The following CSMD2 variants were observed in gnomAD, a reference collection of about 807,000 sequenced individuals.
CSMD2 encodes CUB and sushi domain-containing protein 2.
Under a neutral mutation model 398.5 loss-of-function variants are expected in CSMD2, and 130 were observed. That is an observed-to-expected ratio of 0.33 (90% CI 0.28 to 0.38). The LOEUF is 0.38. CSMD2 is among the 10% of genes least tolerant of loss of function. CSMD2 has a pLI of 1.00. For missense variants in CSMD2, 3,829 were observed against 4,764.9 expected (o/e 0.80, Z 5.78); for synonymous variants, 1,828 against 1,908.5 (o/e 0.96, Z 1.10).
At position 33,754,355 on chromosome 1, in the gene CSMD2, TG is replaced by T. The variant is rs1019914404; in HGVS notation, c.1847-10750del. On this transcript the variant is annotated intron_variant, in intron 13 of 70. Transcript: ENST00000373381. The stretch of plus-strand genomic sequence containing the variant: ...CCTATCACCTACCCCACCCCCATCT[TG>T]CTCCCACTCTTGCCATGTGATACAC... 1.3e-4 allele frequency among the ~76,000 whole-genome samples: 20 copies of T among 152,190 alleles called. 1 individual carries two copies. The highest frequency in any genetic ancestry group is 4.3e-4 in the African/African-American group (18 of 41,450).
chr1:33,980,348 A>G (rs1484895601), intron 3 of CSMD2, among the ~76,000 whole-genome samples: 1 of 152,114 alleles, frequency 6.6e-6, no homozygotes, highest in Admixed American at 6.5e-5. Context: ...AGTGCAAAGC[A>G]CTGGCAGGAA....
intron 13 of CSMD2, among the ~76,000 whole-genome samples, chr1:33,761,669 C>T (rs1649832328): frequency 1.3e-5 from 2 of 152,192 alleles, no homozygotes; most frequent in African/African-American, 4.8e-5. Context: ...CTCCATCATG[C>T]ATTCTAAGCC....
Position 33,935,989 on chromosome 1 carries a change from C to G in CSMD2, c.518-35G>C, listed in dbSNP as rs374836797. The stretch of plus-strand genomic sequence containing the variant: ...GAAACAGAGAAAGAGACGGGTACCC[C>G]GTGAGCTGGGCTGGAGCCCTGACAC... On this transcript the variant is annotated intron_variant, in intron 3 of 70. Coordinates refer to ENST00000373381, the MANE Select transcript of CSMD2 (RefSeq NM_001281956.2). 2.5e-6 allele frequency: 4 copies of G among 1,570,524 alleles called. No individual in the cohort carries two copies. In the East Asian group the frequency reaches 9.0e-5, roughly 35 times the overall value.
intron 3 of CSMD2, among the ~76,000 whole-genome samples, chr1:34,017,346 C>T (rs1241000820): frequency 6.6e-6 from 1 of 152,262 alleles, no homozygotes; most frequent in Admixed American, 6.5e-5. Context: ...ACTCTCTTGT[C>T]ACTTCCAGAT....
Position 33,788,685 on chromosome 1 carries a change from G to T in CSMD2, c.1578C>A (p.Leu526=), listed in dbSNP as rs755231827. The T allele has an allele frequency of 6.2e-7, 1 of 1,613,524 alleles. No homozygotes were observed. Among genetic ancestry groups the T allele is most frequent in the Admixed American group, 1.7e-5 (1 of 60,020 alleles). ...ACATTTGATGATTGGTGCTGACAAT[G>T]AGATCCGGGACCGATGTACCTGTCA... The part of the protein sequence containing the change: ...YILTGTSVPD[L]IVSTNHQMWL... Residue 526 remains leucine, a synonymous_variant, in exon 12 of 71, where the codon CTC becomes CTA. Coordinates refer to ENST00000373381, the MANE Select transcript of CSMD2 (RefSeq NM_001281956.2).
chr1:34,105,208 C>T (rs1452078113), intron 1 of CSMD2, among the ~76,000 whole-genome samples: 1 of 152,158 alleles, frequency 6.6e-6, no homozygotes, highest in Non-Finnish European at 1.5e-5. Flanking sequence ...GGTTTCTCAA[C>T]CTCAACACTA....
At chr1:34,141,607 A>C (rs1355463771) in intron 1 of CSMD2, among the ~76,000 whole-genome samples, 4 of 152,196 alleles carry the variant, frequency 2.6e-5, no homozygotes, top group African/African-American at 9.7e-5. Flanking sequence ...GAGGAACAGC[A>C]GAGAAGCCAC....
intron 15 of CSMD2, among the ~76,000 whole-genome samples, chr1:33,732,951 A>G (rs1646768673): frequency 6.6e-6 from 1 of 152,222 alleles, no homozygotes; most frequent in Admixed American, 6.5e-5. Context: ...AGCTGAGGGA[A>G]CATACTTGAG....
chr1:33,577,354 G>C lies in CSMD2; in HGVS notation c.7518C>G (p.Ile2506Met). 6.2e-7 allele frequency: 1 copy of C among 1,614,162 alleles called. No homozygotes were observed. Among genetic ancestry groups the C allele is most frequent in the Non-Finnish European group, 8.5e-7 (1 of 1,180,010 alleles). The change falls in exon 49 of 71, where the codon ATC (isoleucine) becomes ATG (methionine). Residue 2506 changes from isoleucine to methionine, a missense_variant. Coordinates refer to ENST00000373381, the MANE Select transcript of CSMD2 (RefSeq NM_001281956.2). ...GYRLVGHSMA[I>M]CTRHPQGYHL... ...GGTAGCCCTGGGGGTGCCGGGTACA[G>C]ATGGCCATGCTGTGTCCCACCAGGC... is the stretch of plus-strand genomic sequence containing the variant.
At position 33,537,742 on chromosome 1, in the gene CSMD2, C is replaced by T; in HGVS notation, c.9632-133G>A. Reference sequence around the variant, plus strand: ...CTTGAACTCTGGGAACCGGGGCAGCCCCAGGTAGGTGCTTCCACCTGCTGC... The same window carrying T: ...CTTGAACTCTGGGAACCGGGGCAGCTCCAGGTAGGTGCTTCCACCTGCTGC... On this transcript the variant is annotated intron_variant, in intron 60 of 70. Coordinates refer to ENST00000373381, the MANE Select transcript of CSMD2 (RefSeq NM_001281956.2). This position sits in a 1 kb window ranked among gnomAD's most constrained non-coding sequence, Gnocchi z 4.6. 2 of 918,108 alleles carry T rather than the reference C, an allele frequency of 2.2e-6. No individual in the cohort carries two copies. Among genetic ancestry groups the T allele is most frequent in the South Asian group, 2.3e-5 (1 of 43,090 alleles). 56.9% of individuals were successfully genotyped at this position (918,108 alleles called of 1,614,324 possible).
chr1:33,662,143 T>C (rs991252060), intron 26 of CSMD2, among the ~76,000 whole-genome samples: 3 of 152,320 alleles, frequency 2.0e-5, no homozygotes, highest in African/African-American at 7.2e-5. Flanking sequence ...TGTTTGAGCA[T>C]TGGCCATTTT....
chr1:33,641,351 G>A (rs1435208291), intron 29 of CSMD2, among the ~76,000 whole-genome samples: 2 of 152,174 alleles, frequency 1.3e-5, no homozygotes, highest in African/African-American at 4.8e-5. Flanking sequence ...GCATGTGCGT[G>A]GATGTTTCAG....
intron 15 of CSMD2, 86 bp from the exon 16 acceptor site, chr1:33,726,771 C>T: frequency 7.2e-7 from 1 of 1,388,686 alleles, no homozygotes; most frequent in Non-Finnish European, 9.6e-7. Flanking sequence ...ATGTGTCAGG[C>T]AATAAGTATA....
chr1:33,985,925 G>A (rs1646343882), intron 3 of CSMD2, among the ~76,000 whole-genome samples: 2 of 152,148 alleles, frequency 1.3e-5, no homozygotes, highest in African/African-American at 2.4e-5. Context: ...CTGGTGGAAG[G>A]AGCAGTCACT....
chr1:33,704,447 T>C (rs1193383717), intron 22 of CSMD2, among the ~76,000 whole-genome samples: 1 of 152,206 alleles, frequency 6.6e-6, no homozygotes, highest in African/African-American at 2.4e-5. Context: ...ATGTTTGCTA[T>C]AGGCATTTGG....
chr1:34,093,348 C>T (rs1403984312), intron 1 of CSMD2, among the ~76,000 whole-genome samples: 91 of 152,168 alleles, frequency 6.0e-4, no homozygotes, highest in Middle Eastern at 3.4e-3. Flanking sequence ...AAAAGCAGAG[C>T]GCCTCTCCTC....
At chr1:34,091,633 A>T (rs539117212) in intron 1 of CSMD2, among the ~76,000 whole-genome samples, 1 of 151,290 alleles carries the variant, frequency 6.6e-6, no homozygotes, top group African/African-American at 2.4e-5. Flanking sequence ...CTTAACACGA[A>T]GTATCCCATT....
In CSMD2 at chr1:33,614,436, G is replaced by A. The variant is rs6425833; in HGVS notation, c.6133+68C>T. The A allele has an allele frequency of 3.2e-3, 2,816 of 891,134 alleles. 56 individuals are homozygous for A. In the African/African-American group the frequency reaches 0.041, roughly 13 times the overall value. The allele number at this position is 891,134 out of a possible 1,614,324, so 55.2% of individuals were successfully genotyped here. ...CAAGTTTGTGCTAAGAGATTTTGGC[G>A]GACAGTAGTTTTAAGCTCAAGGGTC... On this transcript the variant is annotated intron_variant, in intron 40 of 70. Coordinates refer to ENST00000373381, the MANE Select transcript of CSMD2 (RefSeq NM_001281956.2).
rs750052605 is a variant in CSMD2 at position 33,743,569 on chromosome 1, A to G, written c.1884T>C (p.Val628=). The G allele has an allele frequency of 6.2e-7, 1 of 1,609,716 alleles. No homozygotes were observed. The highest frequency in any genetic ancestry group is 8.5e-7 in the Non-Finnish European group (1 of 1,176,714). The stretch of plus-strand genomic sequence containing the variant: ...CCTCTGGGTAGTTGGGAGACAGGAC[A>G]ACCCCAGACGGGCTGGTGAAGTTGA... The part of the protein sequence containing the change: ...CFFNFTSPSG[V]VLSPNYPEDY... The change falls in exon 14 of 71, where the codon GTT becomes GTC. Residue 628 remains valine, a synonymous_variant. Coordinates refer to ENST00000373381, the MANE Select transcript of CSMD2 (RefSeq NM_001281956.2).
Sources: gnomAD v4.1 joint callset for allele counts (sites outside exome capture counted in the v4.1 genomes callset) on GRCh38, gnomAD v4.1.1 for gene constraint, Gnocchi (gnomAD v3.1) non-coding constraint, MANE v1.5 for transcripts, NCBI Gene and HGNC (gene_info 2026-07-23, HGNC 2026-07-21) for gene names.